HEATR5B: variants seen among roughly 807,000 people sequenced by gnomAD.
HEATR5B encodes the protein HEAT repeat containing 5B.
In HEATR5B, 156 loss-of-function variants were observed where a neutral mutation model predicts 224.1. That is an observed-to-expected ratio of 0.70 (90% CI 0.61 to 0.80). The LOEUF is 0.80. Ranked by LOEUF, HEATR5B falls within the 30% of genes least tolerant of loss-of-function variation. The pLI, the probability that HEATR5B is intolerant of heterozygous loss-of-function variation, is 0.00. For synonymous variants in HEATR5B, 1,027 were observed against 893.0 expected (o/e 1.15, Z -2.68); for missense variants, 2,323 against 2,535.5 (o/e 0.92, Z 1.80).
chr2:37,003,947 T>G (rs548320497), intron 30 of HEATR5B, among the ~76,000 whole-genome samples: 5 of 152,296 alleles, frequency 3.3e-5, no homozygotes, highest in African/African-American at 1.2e-4. Flanking sequence ...ATTCTCCTAT[T>G]GGAAGGAAAT....
chr2:37,072,536 C>A (rs1236201044), intron 5 of HEATR5B, among the ~76,000 whole-genome samples: 7 of 152,076 alleles, frequency 4.6e-5, no homozygotes, highest in Non-Finnish European at 8.8e-5. Flanking sequence ...AACACTAAAC[C>A]ACCACATTAG....
chr2:36,987,483 A>G (rs1224008103), intron 35 of HEATR5B, among the ~76,000 whole-genome samples: 4 of 152,124 alleles, frequency 2.6e-5, no homozygotes, highest in Non-Finnish European at 5.9e-5. Context: ...ATGTTCAATC[A>G]TAAGATACTA....
rs1404730563 is a variant in HEATR5B at position 37,072,094 on chromosome 2, G to C, written c.769+16C>G. The C allele has an allele frequency of 6.2e-7, 1 of 1,602,020 alleles. No homozygotes were observed. Among genetic ancestry groups the C allele is most frequent in the South Asian group, 1.1e-5 (1 of 89,808 alleles). Reference sequence around the variant, plus strand: ...TTAGGTCTGTTATGGTCTAAATCAAGGGCAAACAACAATACCTGTTGCCTG... The same window carrying C: ...TTAGGTCTGTTATGGTCTAAATCAACGGCAAACAACAATACCTGTTGCCTG... On this transcript the variant is annotated intron_variant, in intron 6 of 35. Coordinates refer to ENST00000233099, the MANE Select transcript of HEATR5B (RefSeq NM_019024.3).
rs551244414 is a variant in HEATR5B at position 37,013,759 on chromosome 2, T to G, written c.4284+82A>C. ...GGTTAGTTTTTAAAAAACAAAAATT[T>G]TTTTACCAACAAGAGTAGAGGAACA... On this transcript the variant is annotated intron_variant, in intron 27 of 35. Coordinates refer to ENST00000233099, the MANE Select transcript of HEATR5B (RefSeq NM_019024.3). 2.2e-5 allele frequency: 28 copies of G among 1,286,232 alleles called. No homozygotes were observed. The African/African-American group carries it at 3.7e-4, about 17-fold the overall frequency. 79.7% of individuals were successfully genotyped at this position (1,286,232 alleles called of 1,614,324 possible).
At position 37,001,673 on chromosome 2, in the gene HEATR5B, C is replaced by CT. The variant is rs1222098568; in HGVS notation, c.5317+632dup. Among the ~76,000 whole-genome samples the CT allele has an allele frequency of 7.5e-3, 1,079 of 143,970 alleles. 13 individuals carry two copies. Among genetic ancestry groups the CT allele is most frequent in the African/African-American group, 0.021 (821 of 39,586 alleles). 94.4% of individuals were successfully genotyped at this position (143,970 alleles called of 152,430 possible). On this transcript the variant is annotated intron_variant, in intron 32 of 35. Coordinates refer to ENST00000233099, the MANE Select transcript of HEATR5B (RefSeq NM_019024.3). ...TTCTTCAGAGTTTTTCTTTTTCTTT[C>CT]TTTTTTTTTTTTGAGAGTCTTGCTC...
chr2:37,057,244 TTTA>T, intron 15 of HEATR5B, 70 bp downstream of exon 15: 1 of 1,181,736 alleles, frequency 8.5e-7, no homozygotes, highest in Admixed American at 2.8e-5. Context: ...CTATTTTCTT[TTTA>T]AGTGACAATG....
At chr2:37,056,059 C>A (rs556026478) in intron 16 of HEATR5B, among the ~76,000 whole-genome samples, 7 of 152,278 alleles carry the variant, frequency 4.6e-5, no homozygotes, top group African/African-American at 1.7e-4. Flanking sequence ...GCTTAGCAAA[C>A]TGATGTCCTT....
At position 37,041,485 on chromosome 2, in the gene HEATR5B, G is replaced by A. The variant is rs115128882; in HGVS notation, c.2697-193C>T. Among the ~76,000 whole-genome samples, 960 of 152,292 alleles carry A rather than the reference G, an allele frequency of 6.3e-3. 9 individuals are homozygous for A. Among genetic ancestry groups the A allele is most frequent in the African/African-American group, 0.02 (828 of 41,554 alleles). On this transcript the variant is annotated intron_variant, in intron 18 of 35. Transcript: ENST00000233099. ...ACTACAGCTGGGTGTCATGGCTCAT[G>A]CCTGTAATCCCAGCATTTGGGAGGC...
At chr2:37,024,245 G>A (rs937569197) in intron 24 of HEATR5B, among the ~76,000 whole-genome samples, 1 of 152,140 alleles carries the variant, frequency 6.6e-6, no homozygotes, top group Non-Finnish European at 1.5e-5. Context: ...AGAGGTTAAG[G>A]GTAAGATGGG....
rs1380916099 is a variant in HEATR5B, at chr2:37,021,111, T to C, written c.3854-275A>G. 2.0e-5 allele frequency among the ~76,000 whole-genome samples: 3 copies of C among 152,182 alleles called. No individual in the cohort carries two copies. In the East Asian group the frequency reaches 5.8e-4, roughly 29 times the overall value. On this transcript the variant is annotated intron_variant, in intron 24 of 35. Coordinates refer to ENST00000233099, the MANE Select transcript of HEATR5B (RefSeq NM_019024.3). Reference sequence around the variant, plus strand: ...ACGTAACTTTCCCAAAATGAGTTTCTGATCCTTTAAGAACAAAGGCTTGGC... The same window carrying C: ...ACGTAACTTTCCCAAAATGAGTTTCCGATCCTTTAAGAACAAAGGCTTGGC...
chr2:37,083,607 C>A (rs1474636774), intron 1 of HEATR5B, among the ~76,000 whole-genome samples, 171 bp from the exon 2 acceptor site: 10 of 151,930 alleles, frequency 6.6e-5, no homozygotes, highest in Admixed American at 6.6e-4. Context: ...AAAATACAAA[C>A]AAAAACAGAA....
chr2:37,064,880 G>C lies in HEATR5B; in HGVS notation c.1444C>G (p.Pro482Ala). Residue 482 changes from proline to alanine, a missense_variant, in exon 10 of 36, where the codon CCA becomes GCA. Physicochemically the swap from Pro to Ala is conservative, Grantham distance 27. Coordinates refer to ENST00000233099, the MANE Select transcript of HEATR5B (RefSeq NM_019024.3). ...CGTTCTGCACACCTGTCTAGAAATG[G>C]TGTCAGCTGGAAAGGTAATGCCACA... ...VAVALPFQLT[P>A]FLDRCAERLN... The C allele has an allele frequency of 3.7e-6, 6 of 1,614,094 alleles. No individual in the cohort carries two copies. Among genetic ancestry groups the C allele is most frequent in the Non-Finnish European group, 5.1e-6 (6 of 1,180,014 alleles).
intron 27 of HEATR5B, among the ~76,000 whole-genome samples, chr2:37,010,460 T>C (rs1667715018): frequency 6.6e-6 from 1 of 152,040 alleles, no homozygotes; most frequent in Non-Finnish European, 1.5e-5. Flanking sequence ...ATGAATATAT[T>C]ACTGTCATAT....
At chr2:37,045,184 C>CT (rs887039484) in intron 18 of HEATR5B, among the ~76,000 whole-genome samples, 26 of 151,086 alleles carry the variant, frequency 1.7e-4, no homozygotes, top group Non-Finnish European at 2.7e-4. Context: ...CTAATTTCAT[C>CT]TTTTTTTTTC....
At chr2:36,995,621 A>T (rs1666649255) in intron 33 of HEATR5B, among the ~76,000 whole-genome samples, 1 of 152,178 alleles carries the variant, frequency 6.6e-6, no homozygotes, top group Admixed American at 6.5e-5. Flanking sequence ...TAAAACTTGT[A>T]ACTCTACCAC....
intron 24 of HEATR5B, among the ~76,000 whole-genome samples, chr2:37,021,969 G>A (rs961158902): frequency 3.3e-5 from 5 of 150,552 alleles, no homozygotes; most frequent in African/African-American, 9.8e-5. Flanking sequence ...CTTACCCTTC[G>A]TTCCCTTTTT....
chr2:37,059,048 TA>T, intron 12 of HEATR5B, 61 bp from the exon 13 acceptor site: 1 of 1,003,220 alleles, frequency 1.0e-6, no homozygotes, highest in Non-Finnish European at 1.5e-6. Flanking sequence ...AATTAATTTA[TA>T]AAATTGTATA....
At chr2:36,983,243 A>C (rs983295952) in intron 35 of HEATR5B, among the ~76,000 whole-genome samples, 1 of 152,056 alleles carries the variant, frequency 6.6e-6, no homozygotes, top group Non-Finnish European at 1.5e-5. Context: ...TAATAGTATT[A>C]TAGGGGTAGG....
intron 4 of HEATR5B, 157 bp from the exon 5 acceptor site, chr2:37,075,791 T>C: frequency 2.1e-6 from 1 of 470,640 alleles, no homozygotes; most frequent in Non-Finnish European, 3.7e-6. Flanking sequence ...TTCTAGAAAG[T>C]ACCTGGCAAG....
Sources: gnomAD v4.1 joint callset for allele counts (sites outside exome capture counted in the v4.1 genomes callset) on GRCh38, gnomAD v4.1.1 for gene constraint, MANE v1.5 for transcripts, NCBI Gene and HGNC (gene_info 2026-07-23, HGNC 2026-07-21) for gene names.